RTCA: variants seen among roughly 807,000 people sequenced by gnomAD.
RTCA encodes RNA terminal phosphate cyclase domain 1.
In RTCA, 37 loss-of-function variants were observed where a neutral mutation model predicts 46.1. That is an observed-to-expected ratio of 0.80 (90% CI 0.62 to 1.06). RTCA has a LOEUF of 1.06. Ranked by LOEUF, RTCA falls within the 50% of genes least tolerant of loss-of-function variation. The probability of loss-of-function intolerance (pLI) is 0.00; values close to 1 mark genes in which losing one functional copy is unlikely to be tolerated. For missense variants in RTCA, 435 were observed against 455.5 expected, an observed-to-expected ratio of 0.95 and a Z score of 0.41; for synonymous variants, 164 against 158.3, an observed-to-expected ratio of 1.04 and a Z score of -0.27.
intron 2 of RTCA, chr1:100,267,459 A>G (rs2100786589): frequency 4.0e-6 from 6 of 1,482,318 alleles, no homozygotes; most frequent in Non-Finnish European, 3.6e-6. Context: ...AATGCCACAC[A>G]CAGAGTGGAG....
intron 9 of RTCA, among the ~76,000 whole-genome samples, chr1:100,285,827 TCTCAGTATGTTGACCAGG>T (rs765352752): frequency 3.3e-5 from 5 of 152,138 alleles, no homozygotes; most frequent in Non-Finnish European, 7.3e-5. Context: ...AGAGACGAGG[TCTCAGTATGTTGACCAGG>T]CTAATCCTAA....
chr1:100,267,515 G>T, intron 2 of RTCA: 1 of 1,545,600 alleles, frequency 6.5e-7, no homozygotes, highest in Non-Finnish European at 8.8e-7. Context: ...GAGGCTGGAA[G>T]TCCAAGATCA....
At chr1:100,290,937 C>A (rs1314753856) in intron 10 of RTCA, among the ~76,000 whole-genome samples, 1 of 152,034 alleles carries the variant, frequency 6.6e-6, no homozygotes, top group Non-Finnish European at 1.5e-5. Context: ...TGAACTGGAT[C>A]TTTTGAACGA....
intron 5 of RTCA, among the ~76,000 whole-genome samples, chr1:100,273,898 T>C (rs1666233956): frequency 6.6e-6 from 1 of 152,240 alleles, no homozygotes; most frequent in Non-Finnish European, 1.5e-5. Context: ...AGGCCATATT[T>C]CTTGGTGTGG....
rs1438345559 is a variant in RTCA at position 100,275,601 on chromosome 1, A to G, written c.618A>G (p.Val206=). The G allele has an allele frequency of 6.2e-7, 1 of 1,600,354 alleles. No individual in the cohort carries two copies. Among genetic ancestry groups the G allele is most frequent in the African/African-American group, 1.3e-5 (1 of 74,396 alleles). The change falls in exon 7 of 11, where the codon GTA becomes GTG. Residue 206 remains valine, a splice_region_variant and synonymous_variant. Transcript: ENST00000370128. ...AFVAGVLPFK[V]AKDMAAAAVR... is the part of the protein sequence containing the mutation. Reference sequence around the variant, plus strand: ...ATTTTTCTGTCTTGCTAAAATAGGTAGCAAAAGATATGGCAGCGGCAGCAG... The same window carrying G: ...ATTTTTCTGTCTTGCTAAAATAGGTGGCAAAAGATATGGCAGCGGCAGCAG...
At chr1:100,268,360 GGCAAGTT>G (rs1665899530) in intron 3 of RTCA, 65 bp downstream of exon 3, 1 of 1,348,366 alleles carries the variant, frequency 7.4e-7, no homozygotes, top group South Asian at 1.4e-5. Flanking sequence ...CCACTTTCTG[GGCAAGTT>G]GCTTAATGTC....
At chr1:100,283,568 A>G (rs996595661) in intron 8 of RTCA, among the ~76,000 whole-genome samples, 2 of 152,142 alleles carry the variant, frequency 1.3e-5, no homozygotes, top group African/African-American at 4.8e-5. Context: ...CTTTTTATGT[A>G]CTAGTCTGGG....
At chr1:100,279,170 T>C (rs1435381386) in intron 8 of RTCA, among the ~76,000 whole-genome samples, 1 of 152,132 alleles carries the variant, frequency 6.6e-6, no homozygotes, top group Non-Finnish European at 1.5e-5. Context: ...TAGCAGGCAT[T>C]GGGAGAAGTG....
intron 8 of RTCA, chr1:100,281,444 A>G (rs866763513): frequency 1.3e-5 from 5 of 392,176 alleles, no homozygotes; most frequent in Admixed American, 3.4e-5. Context: ...ATTGTGATCT[A>G]TGTTTAAGGA....
chr1:100,286,409 T>C (rs1667027581), intron 9 of RTCA, among the ~76,000 whole-genome samples: 1 of 130,928 alleles, frequency 7.6e-6, no homozygotes, highest in Admixed American at 9.4e-5. Context: ...GAGCCGAGAA[T>C]GCGCCACTGC....
intron 10 of RTCA, among the ~76,000 whole-genome samples, chr1:100,287,728 TAC>T (rs1206684165): frequency 1.3e-5 from 2 of 152,138 alleles, no homozygotes; most frequent in East Asian, 3.8e-4. Context: ...AGAGTTGACG[TAC>T]AGTTTTTAAT....
At chr1:100,278,872 A>G (rs1332093577) in intron 8 of RTCA, among the ~76,000 whole-genome samples, 1 of 152,206 alleles carries the variant, frequency 6.6e-6, no homozygotes, top group Non-Finnish European at 1.5e-5. Context: ...TTCGTTAGAA[A>G]TACAGATTTT....
At chr1:100,285,177 AGTTTT>A (rs58046505) in intron 8 of RTCA, 46 bp from the exon 9 acceptor site, 1,070,643 of 1,278,970 alleles carry the variant, frequency 0.84, 455,153 homozygotes, top group East Asian at 0.96. Context: ...CTTAGTAATT[AGTTTT>A]GTTTTGTTTT....
chr1:100,284,814 C>G (rs116309721), intron 8 of RTCA, among the ~76,000 whole-genome samples: 3,198 of 152,168 alleles, frequency 0.021, 51 homozygotes, highest in Non-Finnish European at 0.033. Flanking sequence ...CCCAGGCCAG[C>G]CTTGAATTCC....
At chr1:100,276,538 G>A (rs367673104) in intron 7 of RTCA, among the ~76,000 whole-genome samples, 195 of 152,142 alleles carry the variant, frequency 1.3e-3, no homozygotes, top group Non-Finnish European at 2.3e-3. Flanking sequence ...TTAGCTGGGC[G>A]TGGTGGTGCA....
chr1:100,289,305 TG>T (rs202153954), intron 10 of RTCA, among the ~76,000 whole-genome samples: 88 of 147,646 alleles, frequency 6.0e-4, no homozygotes, highest in Admixed American at 1.3e-3. Flanking sequence ...ATTTTTTTTT[TG>T]TTTTTGTTTT....
At chr1:100,287,076 T>C in intron 9 of RTCA, 23 bp from the exon 10 acceptor site, 11 of 1,486,632 alleles carry the variant, frequency 7.4e-6, no homozygotes, top group Non-Finnish European at 9.9e-6. Flanking sequence ...GTGTGAGGTT[T>C]TTCTTTGTTC....
intron 8 of RTCA, among the ~76,000 whole-genome samples, chr1:100,281,008 C>T (rs1666675898): frequency 6.6e-6 from 1 of 151,924 alleles, no homozygotes; most frequent in Non-Finnish European, 1.5e-5. Context: ...GACCCTGTCT[C>T]AAAAAAATAA....
chr1:100,277,001 G>A (rs990095999), intron 7 of RTCA, among the ~76,000 whole-genome samples: 3 of 152,160 alleles, frequency 2.0e-5, no homozygotes, highest in African/African-American at 7.2e-5. Flanking sequence ...TAACTTGTTG[G>A]GGGGCATGGT....
Sources: gnomAD v4.1 joint callset for allele counts (sites outside exome capture counted in the v4.1 genomes callset) on GRCh38, gnomAD v4.1.1 for gene constraint, MANE v1.5 for transcripts, NCBI Gene and HGNC (gene_info 2026-07-23, HGNC 2026-07-21) for gene names.